Variants in PACS2 observed in about 807,000 individuals in gnomAD.
The protein encoded by PACS2 is PACS1-like protein.
Under a neutral mutation model 113.0 loss-of-function variants are expected in PACS2, and 36 were observed. The ratio of observed to expected loss-of-function variants is 0.32; its 90% confidence interval spans 0.24 to 0.42. The LOEUF (loss-of-function observed/expected upper bound fraction) is 0.42, where lower values mean the gene tolerates loss of function less well. Ranked by LOEUF, PACS2 falls within the 10% of genes least tolerant of loss-of-function variation. The pLI is 1.00. For missense variants in PACS2, 1,015 were observed against 1,239.5 expected (o/e 0.82, Z 2.72); for synonymous variants, 589 against 536.1 (o/e 1.10, Z -1.36).
At chr14:105,373,222 T>C (rs1212396478) in intron 8 of PACS2, among the ~76,000 whole-genome samples, 1 of 152,248 alleles carries the variant, frequency 6.6e-6, no homozygotes, top group Non-Finnish European at 1.5e-5. Flanking sequence ...TTGTAGAAAT[T>C]GACCAGCTAA....
rs1483856374 is a variant in PACS2, at chr14:105,396,752, C to G, written c.*2080C>G. 1 of 152,360 alleles carries G rather than the reference C, an allele frequency of 6.6e-6. No individual in the cohort carries two copies. The highest frequency in any genetic ancestry group is 2.4e-5 in the African/African-American group (1 of 41,440). 9.4% of individuals were successfully genotyped at this position (152,360 alleles called of 1,614,324 possible). On this transcript the variant is annotated 3_prime_UTR_variant, in exon 25 of 25. Transcript: ENST00000447393. The stretch of plus-strand genomic sequence containing the variant: ...TCCTGACCTCAAGTGATCCACCCGC[C>G]TCGGCCTCCCAAAGTGCTGGGATTA...
chr14:105,384,920 A>G lies in PACS2; in HGVS notation c.1933A>G (p.Ile645Val), dbSNP rs781877756. 56 of 1,602,050 alleles carry G rather than the reference A, an allele frequency of 3.5e-5. No individual in the cohort carries two copies. The highest frequency in any genetic ancestry group is 4.6e-5 in the Non-Finnish European group (54 of 1,174,662). ...CATTGTGTCACGCATCACGCAGTAC[A>G]TCGCAGGGGCCAACTGTGCCCACCA... The part of the protein sequence containing the change: ...PDIVSRITQY[I>V]AGANCAHQLP... Residue 645 changes from isoleucine (I) to valine (V), a missense_variant, in exon 18 of 25, where the codon ATC (isoleucine) becomes GTC (valine). By Grantham distance (29) the Ile-to-Val change is conservative (BLOSUM62 3). Around this residue, in one of 3 missense-constraint regions of PACS2, gnomAD observed 859 missense variants for 1,056.8 expected, o/e 0.81. Transcript: ENST00000447393.
chr14:105,331,403 G>C (rs1010036396), intron 1 of PACS2, among the ~76,000 whole-genome samples: 15 of 152,174 alleles, frequency 9.9e-5, no homozygotes, highest in Non-Finnish European at 1.3e-4. Context: ...ATTAAGGAAG[G>C]ATCAAGACTG....
At chr14:105,368,211 G>A in intron 6 of PACS2, 64 bp downstream of exon 6, 2 of 1,199,066 alleles carry the variant, frequency 1.7e-6, no homozygotes, top group Non-Finnish European at 2.4e-6. Context: ...GGGTCTGTGG[G>A]GTCCTCACCA....
chr14:105,353,627 G>A (rs1555404683), intron 3 of PACS2, among the ~76,000 whole-genome samples: 1 of 151,864 alleles, frequency 6.6e-6, no homozygotes, highest in Admixed American at 6.6e-5. Context: ...TTTTTGAGAT[G>A]GAGTCTCTCC....
In PACS2 at chr14:105,381,850, C is replaced by T. The variant is rs1355339728; in HGVS notation, c.1269-64C>T. On this transcript the variant is annotated intron_variant, in intron 12 of 24. Coordinates refer to ENST00000447393, the MANE Select transcript of PACS2 (RefSeq NM_001100913.3). ...TGTGTAGGCCACTGCAGGCCTGCCC[C>T]TGCCTCTGCCCCTGTTCCTGTTCCT... 12 of 1,462,498 alleles carry T rather than the reference C, an allele frequency of 8.2e-6. 1 individual carries two copies. In the Admixed American group the frequency reaches 8.4e-5, roughly 10 times the overall value. 90.6% of individuals were successfully genotyped at this position (1,462,498 alleles called of 1,614,324 possible).
intron 1 of PACS2, among the ~76,000 whole-genome samples, chr14:105,304,760 G>A (rs1340434854): frequency 6.6e-6 from 1 of 152,224 alleles, no homozygotes; most frequent in African/African-American, 2.4e-5. Context: ...AGGCAAGGAG[G>A]AGCAAGTCAC....
At chr14:105,382,095 G>A in intron 13 of PACS2, 37 bp downstream of exon 13, 1 of 1,531,348 alleles carries the variant, frequency 6.5e-7, no homozygotes, top group Non-Finnish European at 8.8e-7. Flanking sequence ...AGGAGGCAGG[G>A]CTCGTGGTCA....
At chr14:105,374,154 CAAAA>C (rs113355593) in intron 8 of PACS2, among the ~76,000 whole-genome samples, 1 of 81,872 alleles carries the variant, frequency 1.2e-5, no homozygotes, top group Admixed American at 1.4e-4. Flanking sequence ...GACTCTGTCT[CAAAA>C]AAAAAAAAAA....
intron 1 of PACS2, among the ~76,000 whole-genome samples, chr14:105,339,354 A>G (rs2059638819): frequency 6.6e-6 from 1 of 151,926 alleles, no homozygotes; most frequent in African/African-American, 2.4e-5. Context: ...TGAAAATACA[A>G]AAATTAGCCG....
chr14:105,383,058 C>T (rs587646742), intron 15 of PACS2, 145 bp downstream of exon 15: 6 of 633,274 alleles, frequency 9.5e-6, no homozygotes, highest in Non-Finnish European at 1.7e-5. Context: ...ATGCGCTCTT[C>T]GCAGCCTGGC....
At chr14:105,388,157 G>C (rs1449311920) in intron 19 of PACS2, among the ~76,000 whole-genome samples, 1 of 152,196 alleles carries the variant, frequency 6.6e-6, no homozygotes, top group African/African-American at 2.4e-5. Context: ...AATGGGATGG[G>C]AGGAATCTGT....
In PACS2 at chr14:105,317,142, G is replaced by C. The variant is rs1566895550; in HGVS notation, c.119+2105G>C. On this transcript the variant is annotated intron_variant, in intron 1 of 24. Coordinates refer to ENST00000447393, the MANE Select transcript of PACS2 (RefSeq NM_001100913.3). This position sits in a 1 kb window ranked among gnomAD's most constrained non-coding sequence, Gnocchi z 4.2. ...ACTTTTGCCCAGCCATGAAGCTTCT[G>C]GGCTGCGTGTGTGCTGATGCCTTTC... 6.6e-6 allele frequency among the ~76,000 whole-genome samples: 1 copy of C among 152,200 alleles called. No homozygotes were observed. Among genetic ancestry groups the C allele is most frequent in the Non-Finnish European group, 1.5e-5 (1 of 68,040 alleles).
rs1027831095 is a variant in PACS2, at chr14:105,356,775, G to T, written c.423+1598G>T. Among the ~76,000 whole-genome samples, 18 of 141,494 alleles carry T rather than the reference G, an allele frequency of 1.3e-4. No individual in the cohort carries two copies. The highest frequency in any genetic ancestry group is 1.1e-3 in the Admixed American group (15 of 14,200). The allele number at this position is 141,494 out of a possible 152,430, so 92.8% of individuals were successfully genotyped here. Reference sequence around the variant, plus strand: ...TGTTTCCCATTAGCCATGCAGGCGAGGTCCTGCTGATCCCTGCCGGTCCCT... The same window carrying T: ...TGTTTCCCATTAGCCATGCAGGCGATGTCCTGCTGATCCCTGCCGGTCCCT... On this transcript the variant is annotated intron_variant, in intron 4 of 24. Transcript: ENST00000447393. The surrounding 1 kb of genome is among the most constrained non-coding windows in gnomAD (Gnocchi z 4.0).
At chr14:105,368,368 GGCCTCTCCCATCGC>G in intron 6 of PACS2, 77 bp from the exon 7 acceptor site, 1 of 1,023,804 alleles carries the variant, frequency 9.8e-7, no homozygotes, top group Admixed American at 1.8e-5. Context: ...CTCAGTGCCG[GGCCTCTCCCATCGC>G]CCACGCTGAG....
At chr14:105,334,021 A>G (rs587717222) in intron 1 of PACS2, among the ~76,000 whole-genome samples, 1 of 152,326 alleles carries the variant, frequency 6.6e-6, no homozygotes, top group South Asian at 2.1e-4. Flanking sequence ...GCCTGGGGCC[A>G]TATGGAGTGT....
rs150372571 is a variant in PACS2 at position 105,373,288 on chromosome 14, A to C, written c.801+3388A>C. The stretch of plus-strand genomic sequence containing the variant: ...CAGACAGAACAGTCTTGAAGAAAGA[A>C]GACTTATACTTCCCAATTTCAAAAT... On this transcript the variant is annotated intron_variant, in intron 8 of 24. Coordinates refer to ENST00000447393, the MANE Select transcript of PACS2 (RefSeq NM_001100913.3). 2.6e-4 allele frequency among the ~76,000 whole-genome samples: 39 copies of C among 152,396 alleles called. 1 individual carries two copies. The East Asian group carries it at 7.3e-3, about 29-fold the overall frequency.
In PACS2 at chr14:105,361,650, C is replaced by G. The variant is rs189186276; in HGVS notation, c.424-5563C>G. ...GAGACTCCGTCTCAAAACAAACAAACAAACAAAAAAATTAGTGGGCCGGGT... is the reference window on the plus strand; with the variant it reads ...GAGACTCCGTCTCAAAACAAACAAAGAAACAAAAAAATTAGTGGGCCGGGT... On this transcript the variant is annotated intron_variant, in intron 4 of 24. Coordinates refer to ENST00000447393, the MANE Select transcript of PACS2 (RefSeq NM_001100913.3). 1.2e-3 allele frequency among the ~76,000 whole-genome samples: 183 copies of G among 150,628 alleles called. 1 individual carries two copies. Among genetic ancestry groups the G allele is most frequent in the African/African-American group, 4.3e-3 (176 of 40,920 alleles).
Position 105,366,984 on chromosome 14 carries a change from C to T in PACS2, c.424-229C>T, listed in dbSNP as rs868962116. On this transcript the variant is annotated intron_variant, in intron 4 of 24. Coordinates refer to ENST00000447393, the MANE Select transcript of PACS2 (RefSeq NM_001100913.3). This position sits in a 1 kb window ranked among gnomAD's most constrained non-coding sequence, Gnocchi z 4.3. ...CCGTTCGTGAAAGCTCCCACGTGTT[C>T]CTCTCGTCTGTCCGCCTGGCTCCTG... Among the ~76,000 whole-genome samples the T allele has an allele frequency of 7.9e-5, 12 of 152,176 alleles. No homozygotes were observed. Among genetic ancestry groups the T allele is most frequent in the Admixed American group, 3.9e-4 (6 of 15,282 alleles).
Sources: allele counts gnomAD v4.1 joint callset (sites outside exome capture counted in the v4.1 genomes callset), GRCh38; gene constraint gnomAD v4.1.1; regional missense constraint gnomAD v4.1.1; non-coding constraint Gnocchi (gnomAD v3.1); transcripts MANE v1.5; gene names NCBI Gene and HGNC (gene_info 2026-07-23, HGNC 2026-07-21).